The following LIPG variants were observed in gnomAD, a reference collection of about 807,000 sequenced individuals.
LIPG encodes lipase G, endothelial type, also known as endothelial lipase.
Under a neutral mutation model 51.8 loss-of-function variants are expected in LIPG, and 34 were observed. The observed-to-expected ratio is 0.66, with a 90% confidence interval of 0.50 to 0.87. LIPG has a LOEUF of 0.87. LIPG is among the 40% of genes least tolerant of loss of function. The pLI is 0.00. For missense variants in LIPG, 580 were observed against 652.7 expected (o/e 0.89, Z 1.21); for synonymous variants, 246 against 246.1 (o/e 1.00, Z 0.00).
intron 8 of LIPG, among the ~76,000 whole-genome samples, chr18:49,584,484 GGAGA>G (rs1325615449): frequency 2.6e-5 from 4 of 152,194 alleles, no homozygotes; most frequent in Non-Finnish European, 4.4e-5. Context: ...TGTCAAGAAG[GGAGA>G]GTTTCCTTAA....
At chr18:49,568,904 C>T (rs1238204989) in intron 3 of LIPG, among the ~76,000 whole-genome samples, 1 of 152,116 alleles carries the variant, frequency 6.6e-6, no homozygotes, top group East Asian at 1.9e-4. Context: ...GGTTTCCGAG[C>T]CATGGGGTTA....
intron 8 of LIPG, among the ~76,000 whole-genome samples, chr18:49,585,799 C>G (rs920710095): frequency 6.6e-6 from 1 of 152,214 alleles, no homozygotes; most frequent in Non-Finnish European, 1.5e-5. Flanking sequence ...GAAGAGTTCC[C>G]TTTTCCCTCC....
rs1411715383 is a variant in LIPG, at chr18:49,599,020, TTTAAG to T, written c.*8501_*8505del. The T allele has an allele frequency of 2.0e-5, 3 of 152,258 alleles. No homozygotes were observed. The highest frequency in any genetic ancestry group is 2.9e-5 in the Non-Finnish European group (2 of 68,044). The allele number at this position is 152,258 out of a possible 1,614,324, so 9.4% of individuals were successfully genotyped here. A position where few individuals can be genotyped will look rare whatever the true frequency, so the allele number is the denominator to read the frequency against. On this transcript the variant is annotated 3_prime_UTR_variant, in exon 10 of 10. Coordinates refer to ENST00000261292, the MANE Select transcript of LIPG (RefSeq NM_006033.4). ...TTTATCCGTTTACTTGTTGATGAACTTTAAGTTGTTTCCAGTTTTGAGTTATTAGA... is the reference window on the plus strand; with the variant it reads ...TTTATCCGTTTACTTGTTGATGAACTTTGTTTCCAGTTTTGAGTTATTAGA...
Position 49,567,699 on chromosome 18 carries a change from A to G in LIPG, c.459+78A>G, listed in dbSNP as rs1019408451. On this transcript the variant is annotated intron_variant, in intron 3 of 9. Coordinates refer to ENST00000261292, the MANE Select transcript of LIPG (RefSeq NM_006033.4). ...TCTTCTTAAGAAATGCAGGTCATGC[A>G]TCTGTTGCCATGAACTTCTGGAGTC... The G allele has an allele frequency of 5.7e-6, 8 of 1,413,830 alleles. No homozygotes were observed. In the African/African-American group the frequency reaches 1.1e-4, roughly 20 times the overall value. The allele number at this position is 1,413,830 out of a possible 1,614,324, so 87.6% of individuals were successfully genotyped here.
intron 5 of LIPG, among the ~76,000 whole-genome samples, chr18:49,578,521 C>G (rs1294059521): frequency 1.3e-4 from 19 of 143,962 alleles, no homozygotes; most frequent in African/African-American, 4.8e-4. Flanking sequence ...CGGGCGGAGA[C>G]GCTCCTCACT....
At position 49,598,114 on chromosome 18, in the gene LIPG, A is replaced by G. The variant is rs1419869689; in HGVS notation, c.*7592A>G. 1.3e-5 allele frequency: 2 copies of G among 152,190 alleles called. No individual in the cohort carries two copies. The highest frequency in any genetic ancestry group is 6.5e-5 in the Admixed American group (1 of 15,274). 9.4% of individuals were successfully genotyped at this position (152,190 alleles called of 1,614,324 possible). A position where few individuals can be genotyped will look rare whatever the true frequency, so the allele number is the denominator to read the frequency against. ...ATATAGGATTCTTTTTGAAGAATAT[A>G]TATCATCCAAAAAGAGGTCCTAGGA... On this transcript the variant is annotated 3_prime_UTR_variant, in exon 10 of 10. Coordinates refer to ENST00000261292, the MANE Select transcript of LIPG (RefSeq NM_006033.4).
At position 49,593,458 on chromosome 18, in the gene LIPG, C is replaced by G. The variant is rs2084963642; in HGVS notation, c.*2936C>G. On this transcript the variant is annotated 3_prime_UTR_variant, in exon 10 of 10. Transcript: ENST00000261292. ...GCCTGAAGGTGGATGTTAGGAAGAA[C>G]AGGGAGCATGGCTGGACACTGGGGA... 6.6e-6 allele frequency: 1 copy of G among 152,160 alleles called. No homozygotes were observed. The highest frequency in any genetic ancestry group is 6.5e-5 in the Admixed American group (1 of 15,274). 9.4% of individuals were successfully genotyped at this position (152,160 alleles called of 1,614,324 possible). A position where few individuals can be genotyped will look rare whatever the true frequency, so the allele number is the denominator to read the frequency against.
intron 1 of LIPG, 39 bp from the exon 2 acceptor site, chr18:49,565,278 G>A (rs749867847): frequency 1.2e-6 from 2 of 1,606,956 alleles, no homozygotes; most frequent in East Asian, 2.2e-5. Flanking sequence ...CACTCCGCAA[G>A]TCTGCTAGAT....
chr18:49,581,950 ATCATCAC>A (rs1335497535), intron 6 of LIPG: 2 of 592,424 alleles, frequency 3.4e-6, no homozygotes, highest in Non-Finnish European at 6.0e-6. Context: ...TTCTCATTTG[ATCATCAC>A]AAGAAACCTG....
In LIPG at chr18:49,598,286, C is replaced by T. The variant is rs2084992675; in HGVS notation, c.*7764C>T. 6.6e-6 allele frequency: 1 copy of T among 152,398 alleles called. No individual in the cohort carries two copies. 9.4% of individuals were successfully genotyped at this position (152,398 alleles called of 1,614,324 possible). On this transcript the variant is annotated 3_prime_UTR_variant, in exon 10 of 10. Coordinates refer to ENST00000261292, the MANE Select transcript of LIPG (RefSeq NM_006033.4). ...CACTGCTCACTGCAGCCTCGACCTCCTGGGCTCAAGCAGTCCTCCCACTTC... is the reference window on the plus strand; with the variant it reads ...CACTGCTCACTGCAGCCTCGACCTCTTGGGCTCAAGCAGTCCTCCCACTTC...
chr18:49,583,339 G>C (rs1240765248), intron 7 of LIPG, among the ~76,000 whole-genome samples: 3 of 152,106 alleles, frequency 2.0e-5, no homozygotes, highest in African/African-American at 7.2e-5. Flanking sequence ...ATAAGAAGCT[G>C]GGGTGCTGAG....
intron 8 of LIPG, among the ~76,000 whole-genome samples, chr18:49,586,041 A>G (rs1170993803): frequency 6.6e-6 from 1 of 152,176 alleles, no homozygotes; most frequent in Non-Finnish European, 1.5e-5. Context: ...CCACACCCTT[A>G]AGGATTACGT....
chr18:49,573,685 C>A (rs1304532862), intron 4 of LIPG, among the ~76,000 whole-genome samples: 1 of 152,200 alleles, frequency 6.6e-6, no homozygotes, highest in East Asian at 1.9e-4. Flanking sequence ...GTTGACCGTC[C>A]ACTCTAGACG....
At chr18:49,586,605 G>A in intron 8 of LIPG, 141 bp from the exon 9 acceptor site, 1 of 699,538 alleles carries the variant, frequency 1.4e-6, no homozygotes, top group East Asian at 2.7e-5. Flanking sequence ...AGTAGTGATG[G>A]GGAATTCTGA....
At chr18:49,589,737 C>A (rs1436938782) in intron 9 of LIPG, 1 of 152,634 alleles carries the variant, frequency 6.6e-6, no homozygotes, top group Non-Finnish European at 1.5e-5. Context: ...CAGGCATGAG[C>A]CACTGTGCCC....
intron 1 of LIPG, 80 bp from the exon 2 acceptor site, chr18:49,565,237 C>T (rs914037015): frequency 1.9e-5 from 28 of 1,436,170 alleles, no homozygotes; most frequent in African/African-American, 1.1e-4. Context: ...AAATTGCTCA[C>T]GATTGAACTA....
rs749538688 is a variant in LIPG, at chr18:49,583,783, CTCCTGCTCCTTCT to C, written c.1376+12_1376+24del. 1 of 1,603,982 alleles carries C rather than the reference CTCCTGCTCCTTCT, an allele frequency of 6.2e-7. No individual in the cohort carries two copies. The highest frequency in any genetic ancestry group is 8.5e-7 in the Non-Finnish European group (1 of 1,175,176). On this transcript the variant is annotated intron_variant, in intron 8 of 9. Transcript: ENST00000261292. ...GGGGAAACCCAGCGGAAGTAAGTGC[CTCCTGCTCCTTCT>C]TCTGCCTGGTGTAGGTGGGGAACAG...
At chr18:49,580,263 C>A (rs1422292174) in intron 5 of LIPG, among the ~76,000 whole-genome samples, 2 of 152,148 alleles carry the variant, frequency 1.3e-5, no homozygotes, top group Non-Finnish European at 2.9e-5. Flanking sequence ...TGACCCTGAG[C>A]AGATTACCTC....
intron 4 of LIPG, among the ~76,000 whole-genome samples, chr18:49,570,974 T>C (rs2084655446): frequency 6.6e-6 from 1 of 152,248 alleles, no homozygotes; most frequent in Non-Finnish European, 1.5e-5. Context: ...TCCTGAATCC[T>C]GTCCCTGGGC....
Sources: gnomAD v4.1 joint callset for allele counts (sites outside exome capture counted in the v4.1 genomes callset) on GRCh38, gnomAD v4.1.1 for gene constraint, MANE v1.5 for transcripts, NCBI Gene and HGNC (gene_info 2026-07-23, HGNC 2026-07-21) for gene names.